The following QTMAN variants were observed in gnomAD, a reference collection of about 807,000 sequenced individuals.
QTMAN encodes the protein queuosine-tRNA mannosyltransferase.
chr2:144,214,629 G>A, the QTMAN span, among the ~76,000 whole-genome samples: 3 of 152,104 alleles, frequency 2.0e-5, no homozygotes, highest in South Asian at 4.1e-4. Flanking sequence ...CAAAGATGTG[G>A]TAAGCTAATA....
chr2:144,302,823 G>A, the QTMAN span, among the ~76,000 whole-genome samples: 196 of 152,184 alleles, frequency 1.3e-3, 1 homozygote, highest in South Asian at 7.1e-3. Flanking sequence ...GCACAGTGCC[G>A]GGCATGGTGG....
chr2:144,182,822 A>AGG, the QTMAN span, among the ~76,000 whole-genome samples: 1 of 69,104 alleles, frequency 1.4e-5, no homozygotes, highest in Non-Finnish European at 2.6e-5. Flanking sequence ...TATATATTAT[A>AGG]TATATAATAT....
At chr2:144,211,319 T>A in the QTMAN span, 4 of 152,580 alleles carry the variant, frequency 2.6e-5, no homozygotes, top group African/African-American at 9.7e-5. Context: ...AAGAGTGAAA[T>A]GTACAGGTTT....
chr2:144,132,658 T>C, the QTMAN span, among the ~76,000 whole-genome samples: 1 of 152,156 alleles, frequency 6.6e-6, no homozygotes, highest in Non-Finnish European at 1.5e-5. Context: ...ACAGTCTCTA[T>C]CTTTTTATTT....
chr2:144,190,244 T>C, the QTMAN span, among the ~76,000 whole-genome samples: 1 of 152,226 alleles, frequency 6.6e-6, no homozygotes, highest in Non-Finnish European at 1.5e-5. Context: ...GTTCATTATC[T>C]GTTCCCTCTA....
the QTMAN span, among the ~76,000 whole-genome samples, chr2:144,015,171 T>C: frequency 6.6e-6 from 1 of 152,162 alleles, no homozygotes; most frequent in Non-Finnish European, 1.5e-5. Context: ...AACAAATGTT[T>C]ATCAAACCCA....
chr2:144,324,780 G>A, the QTMAN span, among the ~76,000 whole-genome samples: 5 of 151,012 alleles, frequency 3.3e-5, no homozygotes, highest in East Asian at 9.7e-4. Flanking sequence ...GGTGCTTTGA[G>A]TAAAGAAAAA....
At chr2:144,125,214 ATG>A in the QTMAN span, among the ~76,000 whole-genome samples, 4 of 152,044 alleles carry the variant, frequency 2.6e-5, no homozygotes. Flanking sequence ...TAGTATGAAC[ATG>A]TGAGTTTTTT....
chr2:144,001,109 T>C, the QTMAN span, among the ~76,000 whole-genome samples: 3 of 151,986 alleles, frequency 2.0e-5, no homozygotes, highest in Non-Finnish European at 4.4e-5. Context: ...GAAAAGCATA[T>C]CATTCTAATC....
the QTMAN span, among the ~76,000 whole-genome samples, chr2:144,163,701 C>T: frequency 2.0e-5 from 3 of 152,268 alleles, no homozygotes; most frequent in African/African-American, 7.2e-5. Context: ...AAAATCATGT[C>T]ATCTCCATAT....
the QTMAN span, among the ~76,000 whole-genome samples, chr2:144,074,081 G>A: frequency 4.6e-5 from 7 of 152,284 alleles, no homozygotes; most frequent in African/African-American, 1.7e-4. Flanking sequence ...TATTTGATTT[G>A]TTGAACAACC....
At chr2:144,236,111 G>A in the QTMAN span, among the ~76,000 whole-genome samples, 2 of 151,956 alleles carry the variant, frequency 1.3e-5, no homozygotes, top group Non-Finnish European at 2.9e-5. Flanking sequence ...TCTGGGAGAA[G>A]GTCAATAGTT....
At chr2:144,172,621 C>CAAAAA in the QTMAN span, among the ~76,000 whole-genome samples, 5 of 51,328 alleles carry the variant, frequency 9.7e-5, no homozygotes, top group Non-Finnish European at 1.8e-4. Context: ...AAGACTCTGT[C>CAAAAA]AAAAAAAAAA....
At chr2:144,131,946 C>T in the QTMAN span, among the ~76,000 whole-genome samples, 1 of 151,790 alleles carries the variant, frequency 6.6e-6, no homozygotes, top group African/African-American at 2.4e-5. Flanking sequence ...AAAGGATATC[C>T]ATTATGATTA....
chr2:144,273,492 T>C, the QTMAN span, among the ~76,000 whole-genome samples: 5 of 152,082 alleles, frequency 3.3e-5, no homozygotes, highest in African/African-American at 9.7e-5. Flanking sequence ...CATAGGACGG[T>C]CTGACCATTA....
chr2:144,013,509 A>G, the QTMAN span, among the ~76,000 whole-genome samples: 1 of 152,200 alleles, frequency 6.6e-6, no homozygotes, highest in South Asian at 2.1e-4. Context: ...CCAAACTTGA[A>G]GCCATACACC....
the QTMAN span, among the ~76,000 whole-genome samples, chr2:144,320,557 G>A: frequency 2.0e-5 from 3 of 152,178 alleles, no homozygotes; most frequent in African/African-American, 7.2e-5. Flanking sequence ...AGGACAAGGA[G>A]CTCACCTTCA....
the QTMAN span, chr2:144,141,912 T>C: frequency 6.2e-7 from 1 of 1,611,374 alleles, no homozygotes; most frequent in African/African-American, 1.3e-5. Context: ...GATGGGAAAG[T>C]AAATAACTTG....
chr2:144,016,572 A>C, the QTMAN span, among the ~76,000 whole-genome samples: 1 of 152,240 alleles, frequency 6.6e-6, no homozygotes, highest in Non-Finnish European at 1.5e-5. Flanking sequence ...TATAGTATCA[A>C]TAAAGCATTG....
Sources: allele counts gnomAD v4.1 joint callset (sites outside exome capture counted in the v4.1 genomes callset), GRCh38; gene constraint gnomAD v4.1.1; transcripts MANE v1.5; gene names NCBI Gene and HGNC (gene_info 2026-07-23, HGNC 2026-07-21).